The following GJA8 variants were observed in gnomAD, a reference collection of about 807,000 sequenced individuals.
GJA8 encodes gap junction alpha-8 protein.
Under a neutral mutation model 15.3 loss-of-function variants are expected in GJA8, and 13 were observed. The ratio of observed to expected loss-of-function variants is 0.85; its 90% confidence interval spans 0.55 to 1.35. The LOEUF is 1.35. Among genes scored for constraint, GJA8 ranks in the 40% most tolerant of loss-of-function variants. GJA8 has a pLI of 0.00. For missense variants in GJA8, 607 were observed against 553.3 expected, an observed-to-expected ratio of 1.10 and a Z score of -0.97; for synonymous variants, 304 against 238.7, an observed-to-expected ratio of 1.27 and a Z score of -2.52.
At chr1:147,909,285 GC>G, downstream of GJA8, 1 of 1,076,304 alleles carries the variant, frequency 9.3e-7, no homozygotes, top group Non-Finnish European at 1.4e-6. Flanking sequence ...AAAAAAAAAC[GC>G]CCAAGCTTAC....
Position 147,908,988 on chromosome 1 carries a change from G to T in GJA8, c.1033G>T (p.Glu345Ter). ...GPPAEEGAEP[E>*]VGEKKEEAER... ...GCCTGCAGAGGAGGGAGCCGAACCC[G>T]AGGTGGGAGAGAAGAAGGAGGAAGC... The change falls in exon 2 of 2, where the codon GAG becomes TAG. Residue 345 changes from glutamate to a stop codon, truncating the protein, a stop_gained. Transcript: ENST00000369235. LOFTEE classifies it low-confidence loss of function (END_TRUNC). 6.3e-7 allele frequency: 1 copy of T among 1,595,762 alleles called. No homozygotes were observed. The highest frequency in any genetic ancestry group is 8.5e-7 in the Non-Finnish European group (1 of 1,170,128).
chr1:147,913,622 G>A (rs1553243725), downstream of GJA8, among the ~76,000 whole-genome samples: 1 of 152,156 alleles, frequency 6.6e-6, no homozygotes, highest in East Asian at 1.9e-4. Flanking sequence ...GACAAGATTG[G>A]TACAAACCAC....
rs907780946 is a variant in GJA8, at chr1:147,908,953, G to A, written c.998G>A (p.Gly333Asp). 61 of 1,605,300 alleles carry A rather than the reference G, an allele frequency of 3.8e-5. No homozygotes were observed. The highest frequency in any genetic ancestry group is 5.0e-5 in the Non-Finnish European group (59 of 1,174,688). The change falls in exon 2 of 2, where the codon GGC becomes GAC. Residue 333 changes from glycine to aspartate, a missense_variant. Coordinates refer to ENST00000369235, the MANE Select transcript of GJA8 (RefSeq NM_005267.5). Reference sequence around the variant, plus strand: ...CAGGTGGGGGCACAAGAAGTGGAGGGCGAGGGGCCGCCTGCAGAGGAGGGA... The same window carrying A: ...CAGGTGGGGGCACAAGAAGTGGAGGACGAGGGGCCGCCTGCAGAGGAGGGA... ...YAQVGAQEVEGEGPPAEEGAE... is the reference protein window; with the variant it reads ...YAQVGAQEVEDEGPPAEEGAE...
intron 1 of GJA8, among the ~76,000 whole-genome samples, chr1:147,905,856 C>CA (rs1553242233): frequency 6.6e-6 from 1 of 152,230 alleles, no homozygotes; most frequent in African/African-American, 2.4e-5. Context: ...TTCCCAATGC[C>CA]AGACCCATGA....
chr1:147,908,871 A>C lies in GJA8; in HGVS notation c.916A>C (p.Thr306Pro). The C allele has an allele frequency of 6.2e-7, 1 of 1,614,196 alleles. No homozygotes were observed. The highest frequency in any genetic ancestry group is 8.5e-7 in the Non-Finnish European group (1 of 1,180,042). Residue 306 changes from threonine to proline, a missense_variant, in exon 2 of 2, where the codon ACA becomes CCA. Physicochemically the swap from Thr to Pro is conservative, Grantham distance 38. Coordinates refer to ENST00000369235, the MANE Select transcript of GJA8 (RefSeq NM_005267.5). ...CAATCAGTTCGAGGAGAAGATCAGC[A>C]CAGGACCCCTGGGGGACTTGTCCCG... ...PFNQFEEKIS[T>P]GPLGDLSRGY...
intron 1 of GJA8, among the ~76,000 whole-genome samples, chr1:147,905,511 T>C (rs1553242171): frequency 1.3e-5 from 2 of 152,254 alleles, no homozygotes; most frequent in Non-Finnish European, 1.5e-5. Context: ...ATTAGTAAGA[T>C]AGTAAGATAT....
rs1651933639 is a variant in GJA8 at position 147,908,707 on chromosome 1, C to A, written c.752C>A (p.Ser251Tyr). ...EQPLGEIPEK[S>Y]LHSIAVSSIQ... is the part of the protein sequence containing the mutation. ...CCCCTGGGGGAGATTCCTGAGAAAT[C>A]CCTCCACTCCATTGCTGTCTCCTCC... Residue 251 changes from serine to tyrosine, a missense_variant, in exon 2 of 2, where the codon TCC becomes TAC. Ser to Tyr is a moderately radical substitution (Grantham distance 144). Transcript: ENST00000369235. 1 of 1,614,122 alleles carries A rather than the reference C, an allele frequency of 6.2e-7. No homozygotes were observed. Among genetic ancestry groups the A allele is most frequent in the Non-Finnish European group, 8.5e-7 (1 of 1,179,996 alleles).
At chr1:147,911,911 A>G (rs1420996155), downstream of GJA8, among the ~76,000 whole-genome samples, 1 of 148,854 alleles carries the variant, frequency 6.7e-6, no homozygotes, top group Admixed American at 6.7e-5. Flanking sequence ...TGTGTGATAG[A>G]GCGTCTTTCC....
At position 147,908,830 on chromosome 1, in the gene GJA8, T is replaced by A; in HGVS notation, c.875T>A (p.Leu292Gln). The part of the protein sequence containing the change: ...TEVGMVETSP[L>Q]PAKPFNQFEE... ...GTTGGGATGGTGGAGACCAGCCCACTGCCTGCCAAGCCTTTCAATCAGTTC... is the reference window on the plus strand; with the variant it reads ...GTTGGGATGGTGGAGACCAGCCCACAGCCTGCCAAGCCTTTCAATCAGTTC... Residue 292 changes from leucine (L) to glutamine (Q), a missense_variant, in exon 2 of 2, where the codon CTG becomes CAG. Leu to Gln is a moderately radical substitution (Grantham distance 113). Coordinates refer to ENST00000369235, the MANE Select transcript of GJA8 (RefSeq NM_005267.5). 2 of 1,614,198 alleles carry A rather than the reference T, an allele frequency of 1.2e-6. No homozygotes were observed. Among genetic ancestry groups the A allele is most frequent in the Non-Finnish European group, 1.7e-6 (2 of 1,180,034 alleles).
chr1:147,908,050 T>G lies in GJA8; in HGVS notation c.95T>G (p.Phe32Cys), dbSNP rs782138880. Residue 32 changes from phenylalanine to cysteine, a missense_variant, in exon 2 of 2, where the codon TTC becomes TGC. Transcript: ENST00000369235. ...GRVWLTVLFI[F>C]RILILGTAAE... ...GTCTGGCTCACCGTGCTTTTCATCT[T>G]CCGGATCCTCATCCTTGGCACGGCC... The G allele has an allele frequency of 6.2e-7, 1 of 1,614,112 alleles. No individual in the cohort carries two copies. The highest frequency in any genetic ancestry group is 8.5e-7 in the Non-Finnish European group (1 of 1,179,978).
chr1:147,909,335 G>A, downstream of GJA8: 1 of 1,108,252 alleles, frequency 9.0e-7, no homozygotes, highest in South Asian at 1.3e-5. Flanking sequence ...AACATGATCT[G>A]AATCTTCTGT....
chr1:147,909,051 G>A lies in GJA8; in HGVS notation c.1096G>A (p.Val366Met), dbSNP rs782056871. The change falls in exon 2 of 2, where the codon GTG (valine) becomes ATG (methionine). Residue 366 changes from valine (V) to methionine (M), a missense_variant. Coordinates refer to ENST00000369235, the MANE Select transcript of GJA8 (RefSeq NM_005267.5). ...LTTEEQEKVAVPEGEKVETPG... is the reference protein window; with the variant it reads ...LTTEEQEKVAMPEGEKVETPG... The stretch of plus-strand genomic sequence containing the variant: ...CACGGAGGAGCAGGAGAAGGTGGCC[G>A]TGCCAGAGGGGGAGAAAGTAGAGAC... 50 of 1,600,770 alleles carry A rather than the reference G, an allele frequency of 3.1e-5. No individual in the cohort carries two copies. Among genetic ancestry groups the A allele is most frequent in the South Asian group, 1.0e-4 (9 of 89,608 alleles).
chr1:147,907,910 C>A, intron 1 of GJA8, 35 bp from the exon 2 acceptor site: 1 of 1,464,952 alleles, frequency 6.8e-7, no homozygotes, highest in Non-Finnish European at 9.6e-7. Flanking sequence ...TGCATTGCGG[C>A]CGCTCAGCTC....
downstream of GJA8, among the ~76,000 whole-genome samples, chr1:147,911,657 C>T (rs1553243487): frequency 1.3e-5 from 2 of 152,188 alleles, no homozygotes; most frequent in Non-Finnish European, 2.9e-5. Context: ...GGCCTGAGAA[C>T]CAGAGAGTGC....
downstream of GJA8, among the ~76,000 whole-genome samples, chr1:147,911,931 G>A (rs1553243531): frequency 6.6e-6 from 1 of 151,612 alleles, no homozygotes; most frequent in African/African-American, 2.4e-5. Flanking sequence ...CTCAGATGAG[G>A]CAGTATCCTG....
downstream of GJA8, among the ~76,000 whole-genome samples, chr1:147,910,099 A>G (rs1553243289): frequency 6.6e-6 from 1 of 152,190 alleles, no homozygotes; most frequent in Admixed American, 6.5e-5. Context: ...GGTTCAAGTG[A>G]TCCACCCACC....
At position 147,908,827 on chromosome 1, in the gene GJA8, C is replaced by G. The variant is rs1463167681; in HGVS notation, c.872C>G (p.Pro291Arg). Reference sequence around the variant, plus strand: ...GAGGTTGGGATGGTGGAGACCAGCCCACTGCCTGCCAAGCCTTTCAATCAG... The same window carrying G: ...GAGGTTGGGATGGTGGAGACCAGCCGACTGCCTGCCAAGCCTTTCAATCAG... ...LTEVGMVETS[P>R]LPAKPFNQFE... Residue 291 changes from proline to arginine, a missense_variant, in exon 2 of 2, where the codon CCA becomes CGA. Coordinates refer to ENST00000369235, the MANE Select transcript of GJA8 (RefSeq NM_005267.5). 4 of 1,614,056 alleles carry G rather than the reference C, an allele frequency of 2.5e-6. No individual in the cohort carries two copies. In the African/African-American group the frequency reaches 5.3e-5, roughly 22 times the overall value.
downstream of GJA8, chr1:147,909,270 GAAA>G: frequency 5.6e-5 from 61 of 1,095,162 alleles, no homozygotes; most frequent in Middle Eastern, 2.2e-4. Context: ...TGACGCCAAA[GAAA>G]AAAAAAAAAA....
At chr1:147,903,631 C>T (rs1651687822) in intron 1 of GJA8, among the ~76,000 whole-genome samples, 1 of 152,204 alleles carries the variant, frequency 6.6e-6, no homozygotes, top group Non-Finnish European at 1.5e-5. Flanking sequence ...ACTCATTTCA[C>T]CTCCCAGCCT....
Sources: gnomAD v4.1 joint callset for allele counts (sites outside exome capture counted in the v4.1 genomes callset) on GRCh38, gnomAD v4.1.1 for gene constraint, MANE v1.5 for transcripts, NCBI Gene and HGNC (gene_info 2026-07-23, HGNC 2026-07-21) for gene names.